The following MAST4 variants were observed in gnomAD, a reference collection of about 807,000 sequenced individuals.
MAST4 encodes microtubule-associated serine/threonine-protein kinase 4.
MAST4 carries 89 observed loss-of-function variants against 162.7 expected under a neutral mutation model. The ratio of observed to expected loss-of-function variants is 0.55; its 90% confidence interval spans 0.46 to 0.65. The LOEUF (loss-of-function observed/expected upper bound fraction) is 0.65. MAST4 is among the 30% of genes least tolerant of loss of function. The probability of loss-of-function intolerance (pLI) is 0.00; values close to 1 mark genes in which losing one functional copy is unlikely to be tolerated. For missense variants in MAST4, 3,153 were observed against 3,374.0 expected (o/e 0.93, Z 1.62); for synonymous variants, 1,479 against 1,361.1 (o/e 1.09, Z -1.91).
chr5:66,637,115 G>GT (rs923018584), intron 1 of MAST4, among the ~76,000 whole-genome samples: 1 of 152,056 alleles, frequency 6.6e-6, no homozygotes, highest in Non-Finnish European at 1.5e-5. Context: ...TAGCAATCTA[G>GT]TTTTTCCCCC....
intron 4 of MAST4, among the ~76,000 whole-genome samples, chr5:67,029,559 G>T (rs187282777): frequency 2.1e-4 from 32 of 152,234 alleles, no homozygotes; most frequent in Non-Finnish European, 3.7e-4. Flanking sequence ...AGGAAATTAG[G>T]CTGGAGAGGT....
At chr5:66,721,226 G>A (rs1051012568) in intron 1 of MAST4, among the ~76,000 whole-genome samples, 27 of 152,086 alleles carry the variant, frequency 1.8e-4, no homozygotes, top group African/African-American at 6.0e-4. Context: ...TTGCTCTGCT[G>A]TGCAGTCAGA....
chr5:67,129,036 G>T (rs865775147), intron 14 of MAST4, among the ~76,000 whole-genome samples: 1 of 152,072 alleles, frequency 6.6e-6, no homozygotes, highest in Non-Finnish European at 1.5e-5. Context: ...AGCCTCATTG[G>T]GTCCCTTGTC....
chr5:67,008,090 A>G (rs1223386139), intron 4 of MAST4, among the ~76,000 whole-genome samples: 1 of 152,208 alleles, frequency 6.6e-6, no homozygotes. Flanking sequence ...TTCCATTGGA[A>G]ATAGTTCCTT....
intron 12 of MAST4, among the ~76,000 whole-genome samples, chr5:67,116,204 G>GTTTGT (rs568152623): frequency 1.1e-4 from 17 of 150,520 alleles, no homozygotes; most frequent in South Asian, 2.1e-4. Context: ...TTGTTTGTTT[G>GTTTGT]TTTGTTTTGT....
chr5:67,010,747 A>G (rs78157329), intron 4 of MAST4, among the ~76,000 whole-genome samples: 2,857 of 152,046 alleles, frequency 0.019, 110 homozygotes, highest in African/African-American at 0.066. Flanking sequence ...AATGGTCAAC[A>G]CCCCCAGCAC....
intron 1 of MAST4, among the ~76,000 whole-genome samples, chr5:66,631,521 G>T (rs1561225496): frequency 6.6e-6 from 1 of 152,150 alleles, no homozygotes; most frequent in Non-Finnish European, 1.5e-5. Flanking sequence ...ACCGTGAGCT[G>T]TGGGAAAACA....
chr5:67,163,844 T>C lies in MAST4; in HGVS notation c.4665T>C (p.His1555=), dbSNP rs1261555599. The part of the protein sequence containing the change: ...PEKQESHQKS[H]GPGSDLENFA... ...AACAGGAATCCCACCAGAAATCCCA[T>C]GGACCCGGGAGTGATTTGGAAAACT... The change falls in exon 29 of 29, where the codon CAT becomes CAC. Residue 1555 remains histidine, a synonymous_variant. Transcript: ENST00000403625. The surrounding 1 kb of genome is among the most constrained non-coding windows in gnomAD (Gnocchi z 7.0). 1 of 1,613,740 alleles carries C rather than the reference T, an allele frequency of 6.2e-7. No homozygotes were observed. Among genetic ancestry groups the C allele is most frequent in the Non-Finnish European group, 8.5e-7 (1 of 1,179,776 alleles).
At chr5:67,150,733 T>C (rs903793961) in intron 24 of MAST4, among the ~76,000 whole-genome samples, 2 of 152,188 alleles carry the variant, frequency 1.3e-5, no homozygotes, top group African/African-American at 4.8e-5. Context: ...GTTTGGGATC[T>C]ATGTGTGTCC....
rs377512686 is a variant in MAST4, at chr5:67,166,275, G to C, written c.7096G>C (p.Asp2366His). 5 of 1,556,632 alleles carry C rather than the reference G, an allele frequency of 3.2e-6. No homozygotes were observed. The highest frequency in any genetic ancestry group is 1.2e-5 in the South Asian group (1 of 84,504). ...CCCGAGTCAGCCGGCCGCCAACACC[G>C]ACAGAAGGGCGGAAGGGAAGAAATG... ...KSPSQPAANTDRRAEGKKCTE... is the reference protein window; with the variant it reads ...KSPSQPAANTHRRAEGKKCTE... The change falls in exon 29 of 29, where the codon GAC becomes CAC. Residue 2366 changes from aspartate to histidine, a missense_variant. Around this residue, in one of 7 missense-constraint regions of MAST4, gnomAD observed 1,644 missense variants for 1,495.0 expected, o/e 1.10. Coordinates refer to ENST00000403625, the MANE Select transcript of MAST4 (RefSeq NM_001164664.2).
chr5:67,108,521 A>G (rs1581588753), intron 10 of MAST4, among the ~76,000 whole-genome samples: 1 of 152,168 alleles, frequency 6.6e-6, no homozygotes, highest in African/African-American at 2.4e-5. Context: ...AGATGTATAT[A>G]TATGTGCATT....
At chr5:66,655,800 T>G (rs1394632050) in intron 1 of MAST4, among the ~76,000 whole-genome samples, 1 of 152,194 alleles carries the variant, frequency 6.6e-6, no homozygotes, top group Non-Finnish European at 1.5e-5. Flanking sequence ...ATTGCCTCAT[T>G]AGTAAACAGG....
intron 1 of MAST4, among the ~76,000 whole-genome samples, chr5:66,608,949 T>C (rs762754999): frequency 1.8e-4 from 28 of 152,120 alleles, no homozygotes; most frequent in Non-Finnish European, 2.9e-4. Flanking sequence ...GTTTTTGAAG[T>C]AATCTTAACA....
rs555710403 is a variant in MAST4, at chr5:66,877,970, A to C, written c.643-21981A>C. Among the ~76,000 whole-genome samples the C allele has an allele frequency of 1.3e-4, 20 of 152,280 alleles. No individual in the cohort carries two copies. The South Asian group carries it at 4.2e-3, about 32-fold the overall frequency. On this transcript the variant is annotated intron_variant, in intron 3 of 28. Transcript: ENST00000403625. ...GAAAAAGCCCTCTACCTTTTCATTG[A>C]TTTTTTTACTACAGTCAGTTGCTTC...
At chr5:67,083,947 T>A (rs989211523) in intron 5 of MAST4, among the ~76,000 whole-genome samples, 1 of 152,196 alleles carries the variant, frequency 6.6e-6, no homozygotes, top group African/African-American at 2.4e-5. Context: ...TGGGATCACC[T>A]TGAGATGTGA....
intron 4 of MAST4, chr5:66,916,899 T>TCTCCC (rs1194794596): frequency 1.4e-6 from 1 of 689,802 alleles, no homozygotes; most frequent in African/African-American, 1.8e-5. Flanking sequence ...GTACTCCCTT[T>TCTCCC]CTCCCCTCCC....
chr5:67,027,132 A>T (rs1464384308), intron 4 of MAST4, among the ~76,000 whole-genome samples: 1 of 152,182 alleles, frequency 6.6e-6, no homozygotes, highest in African/African-American at 2.4e-5. Context: ...ATTTTTAATG[A>T]TACAATTCAG....
At chr5:67,026,262 T>C (rs1245663690) in intron 4 of MAST4, among the ~76,000 whole-genome samples, 1 of 152,210 alleles carries the variant, frequency 6.6e-6, no homozygotes, top group East Asian at 1.9e-4. Flanking sequence ...TGCTACATTT[T>C]AGAGGGGAAA....
chr5:67,167,451 T>C lies in MAST4; in HGVS notation c.*400T>C, dbSNP rs1327484272. The stretch of plus-strand genomic sequence containing the variant: ...ATTTTTGCTTTACCATTTATCATAA[T>C]GTAGTAATGAAGCAAAATGGTCAAA... On this transcript the variant is annotated 3_prime_UTR_variant, in exon 29 of 29. Coordinates refer to ENST00000403625, the MANE Select transcript of MAST4 (RefSeq NM_001164664.2). 1.3e-5 allele frequency: 2 copies of C among 157,518 alleles called. No homozygotes were observed. Among genetic ancestry groups the C allele is most frequent in the East Asian group, 3.7e-4 (2 of 5,430 alleles). 9.8% of individuals were successfully genotyped at this position (157,518 alleles called of 1,614,324 possible).
Sources: allele counts gnomAD v4.1 joint callset (sites outside exome capture counted in the v4.1 genomes callset), GRCh38; gene constraint gnomAD v4.1.1; regional missense constraint gnomAD v4.1.1; non-coding constraint Gnocchi (gnomAD v3.1); transcripts MANE v1.5; gene names NCBI Gene and HGNC (gene_info 2026-07-23, HGNC 2026-07-21).